Variants in PLPP1 observed in about 807,000 individuals in gnomAD.
The protein encoded by PLPP1 is lipid phosphate phosphohydrolase 1a.
Under a neutral mutation model 31.2 loss-of-function variants are expected in PLPP1, and 24 were observed. That is an observed-to-expected ratio of 0.77 (90% CI 0.56 to 1.08). The LOEUF is 1.08. Among genes scored for constraint, PLPP1 ranks in the 50% least tolerant of loss-of-function variants. PLPP1 has a pLI of 0.00. For missense variants in PLPP1, 319 were observed against 342.7 expected (o/e 0.93, Z 0.55); for synonymous variants, 146 against 126.3 (o/e 1.16, Z -1.05).
rs551451918 is a variant in PLPP1, at chr5:55,481,729, C to A, written c.59-6279G>T. Among the ~76,000 whole-genome samples, 138 of 152,188 alleles carry A rather than the reference C, an allele frequency of 9.1e-4. 1 individual carries two copies. The highest frequency in any genetic ancestry group is 3.1e-3 in the African/African-American group (130 of 41,520). ...GAAGAATGTGGATGTAGGCTAGAAG[C>A]CTGAAGAACCCAGACATATAGGTCA... On this transcript the variant is annotated intron_variant, in intron 1 of 5. Transcript: ENST00000307259.
intron 5 of PLPP1, 72 bp downstream of exon 5, chr5:55,425,791 A>G (rs1751169373): frequency 1.0e-6 from 1 of 963,134 alleles, no homozygotes; most frequent in African/African-American, 1.6e-5. Flanking sequence ...GATTTTTTGG[A>G]TTTTTTTTTT....
chr5:55,469,254 G>A (rs560017786), intron 2 of PLPP1, among the ~76,000 whole-genome samples: 5 of 152,126 alleles, frequency 3.3e-5, no homozygotes, highest in Admixed American at 6.5e-5. Flanking sequence ...TTGGGAGGCC[G>A]AGGCAGGTGA....
chr5:55,479,576 A>T (rs559145696), intron 1 of PLPP1, among the ~76,000 whole-genome samples: 98 of 152,340 alleles, frequency 6.4e-4, no homozygotes, highest in African/African-American at 2.3e-3. Context: ...CTGGCTGAAG[A>T]AGAAGCTGAG....
intron 1 of PLPP1, among the ~76,000 whole-genome samples, chr5:55,526,729 G>A (rs1443664351): frequency 2.0e-5 from 3 of 151,966 alleles, no homozygotes; most frequent in Non-Finnish European, 2.9e-5. Context: ...TCAGGAGATC[G>A]AGACCATCCT....
chr5:55,425,840 A>AG, intron 5 of PLPP1, 23 bp downstream of exon 5: 1 of 1,525,732 alleles, frequency 6.6e-7, no homozygotes. Flanking sequence ...ATCAAGATGT[A>AG]GGCTGTTGAC....
At chr5:55,531,473 T>C (rs1157826976) in intron 1 of PLPP1, among the ~76,000 whole-genome samples, 1 of 152,224 alleles carries the variant, frequency 6.6e-6, no homozygotes, top group African/African-American at 2.4e-5. Flanking sequence ...GGCTATACTG[T>C]ATGATGTTGA....
chr5:55,480,721 T>C (rs1466096529), intron 1 of PLPP1, among the ~76,000 whole-genome samples: 1 of 152,222 alleles, frequency 6.6e-6, no homozygotes, highest in Non-Finnish European at 1.5e-5. Flanking sequence ...CTTCCAGTTT[T>C]GTGCTATTAT....
chr5:55,445,818 TAC>T (rs1000448886), intron 3 of PLPP1, among the ~76,000 whole-genome samples: 1 of 152,186 alleles, frequency 6.6e-6, no homozygotes, highest in African/African-American at 2.4e-5. Flanking sequence ...GTGCTGGGAT[TAC>T]AGACATGAGC....
At chr5:55,476,578 G>C (rs1752556141) in intron 1 of PLPP1, among the ~76,000 whole-genome samples, 1 of 152,120 alleles carries the variant, frequency 6.6e-6, no homozygotes, top group Non-Finnish European at 1.5e-5. Flanking sequence ...CCCTCCACAT[G>C]AGATCTGCTT....
At chr5:55,531,307 C>T (rs1018535661) in intron 1 of PLPP1, among the ~76,000 whole-genome samples, 8 of 152,158 alleles carry the variant, frequency 5.3e-5, no homozygotes, top group Admixed American at 5.2e-4. Context: ...TAGAGGAAGT[C>T]GTGTTTCACA....
At chr5:55,453,532 G>A (rs748231249) in intron 3 of PLPP1, among the ~76,000 whole-genome samples, 1 of 152,228 alleles carries the variant, frequency 6.6e-6, no homozygotes, top group Non-Finnish European at 1.5e-5. Flanking sequence ...GGAATAATGT[G>A]TGCAAAATGC....
chr5:55,454,258 C>A (rs1161108044), intron 3 of PLPP1, among the ~76,000 whole-genome samples: 1 of 151,794 alleles, frequency 6.6e-6, no homozygotes, highest in African/African-American at 2.4e-5. Context: ...TTAGCCAATC[C>A]TATATCTCCC....
chr5:55,509,062 G>A (rs1340550714), intron 1 of PLPP1: 4 of 152,212 alleles, frequency 2.6e-5, no homozygotes, highest in Admixed American at 6.5e-5. Flanking sequence ...TAAAAAACAG[G>A]ATGATTTCAC....
At chr5:55,485,138 G>C (rs188533279) in intron 1 of PLPP1, 1 of 152,280 alleles carries the variant, frequency 6.6e-6, no homozygotes, top group East Asian at 1.9e-4. Flanking sequence ...ACCTGACAGA[G>C]TCACAGGAAC....
intron 1 of PLPP1, among the ~76,000 whole-genome samples, chr5:55,487,805 T>A (rs1160826541): frequency 6.6e-6 from 1 of 152,162 alleles, no homozygotes; most frequent in African/African-American, 2.4e-5. Context: ...GCCCAGAAAC[T>A]GGCCAAATAC....
intron 1 of PLPP1, among the ~76,000 whole-genome samples, chr5:55,510,577 C>A (rs1168293025): frequency 1.3e-5 from 2 of 152,202 alleles, no homozygotes; most frequent in African/African-American, 4.8e-5. Flanking sequence ...TAAGCCTCAT[C>A]TCACCTACTC....
chr5:55,462,294 T>C (rs999662275), intron 3 of PLPP1, among the ~76,000 whole-genome samples: 1 of 152,216 alleles, frequency 6.6e-6, no homozygotes, highest in African/African-American at 2.4e-5. Context: ...ATGAGAGGCA[T>C]ACAGAGCAAT....
chr5:55,504,954 G>A (rs1753240345), intron 1 of PLPP1, among the ~76,000 whole-genome samples: 1 of 151,752 alleles, frequency 6.6e-6, no homozygotes, highest in South Asian at 2.1e-4. Context: ...TGAACTATAG[G>A]TGCACATCAC....
intron 3 of PLPP1, among the ~76,000 whole-genome samples, chr5:55,443,629 G>A (rs1751685244): frequency 6.6e-6 from 1 of 152,152 alleles, no homozygotes; most frequent in Admixed American, 6.5e-5. Flanking sequence ...TTTACACTGT[G>A]CTATAAAATC....
Sources: allele counts gnomAD v4.1 joint callset (sites outside exome capture counted in the v4.1 genomes callset), GRCh38; gene constraint gnomAD v4.1.1; transcripts MANE v1.5; gene names NCBI Gene and HGNC (gene_info 2026-07-23, HGNC 2026-07-21).